The following ADAM9 variants were observed in gnomAD, a reference collection of about 807,000 sequenced individuals.
The protein encoded by ADAM9 is disintegrin and metalloproteinase domain-containing protein 9.
ADAM9 carries 54 observed loss-of-function variants against 108.1 expected under a neutral mutation model. The ratio of observed to expected loss-of-function variants is 0.50; its 90% confidence interval spans 0.40 to 0.63. The LOEUF is 0.63. Among genes scored for constraint, ADAM9 ranks in the 20% least tolerant of loss-of-function variants. The pLI, the probability that ADAM9 is intolerant of heterozygous loss-of-function variation, is 0.00. For missense variants in ADAM9, 830 were observed against 997.7 expected (o/e 0.83, Z 2.26); for synonymous variants, 316 against 336.0 (o/e 0.94, Z 0.65).
chr8:38,997,322 C>G (rs1588311095), intron 1 of ADAM9, among the ~76,000 whole-genome samples, 162 bp downstream of exon 1: 1 of 152,052 alleles, frequency 6.6e-6, no homozygotes, highest in African/African-American at 2.4e-5. Context: ...GGGTCGCACC[C>G]GAGGCGCGGG....
At chr8:39,063,091 C>T (rs1838348488) in intron 14 of ADAM9, among the ~76,000 whole-genome samples, 1 of 152,216 alleles carries the variant, frequency 6.6e-6, no homozygotes, top group African/African-American at 2.4e-5. Context: ...CATCCCAATC[C>T]AACTTTATGT....
At position 39,104,498 on chromosome 8, in the gene ADAM9, GATCTA is replaced by G. The variant is rs762269884; in HGVS notation, c.*802_*806del. 74 of 381,854 alleles carry G rather than the reference GATCTA, an allele frequency of 1.9e-4. 1 individual carries two copies. The highest frequency in any genetic ancestry group is 1.5e-3 in the South Asian group (74 of 49,328). The allele number at this position is 381,854 out of a possible 1,614,324, so 23.7% of individuals were successfully genotyped here. On this transcript the variant is annotated 3_prime_UTR_variant, in exon 22 of 22. Coordinates refer to ENST00000487273, the MANE Select transcript of ADAM9 (RefSeq NM_003816.3). Reference sequence around the variant, plus strand: ...GCTTTAAGGTACGAAGTATTTAATAGATCTAATCAAATATGTTGATTCATGGCTAT... The same window carrying G: ...GCTTTAAGGTACGAAGTATTTAATAGATCAAATATGTTGATTCATGGCTAT...
chr8:39,101,738 C>A, intron 20 of ADAM9, 125 bp from the exon 21 acceptor site: 1 of 825,266 alleles, frequency 1.2e-6, no homozygotes, highest in Non-Finnish European at 1.9e-6. Context: ...TGGTTCTAAG[C>A]ATTTCTGATA....
At chr8:39,103,490 A>G in intron 21 of ADAM9, 117 bp from the exon 22 acceptor site, 2 of 988,064 alleles carry the variant, frequency 2.0e-6, no homozygotes, top group Non-Finnish European at 3.2e-6. Context: ...CAGAATGTAC[A>G]GTACCCTTTC....
chr8:39,040,974 CA>C (rs1443725986), intron 11 of ADAM9, among the ~76,000 whole-genome samples: 1 of 152,160 alleles, frequency 6.6e-6, no homozygotes, highest in African/African-American at 2.4e-5. Flanking sequence ...ACCTAAATGT[CA>C]GACTTGAAAC....
At chr8:39,021,801 C>G in intron 8 of ADAM9, 87 bp downstream of exon 8, 2 of 1,233,310 alleles carry the variant, frequency 1.6e-6, no homozygotes, top group African/African-American at 1.5e-5. Flanking sequence ...ATTTTGAGTT[C>G]TGATTTTCAT....
chr8:39,018,202 C>A (rs1836608620), intron 6 of ADAM9, among the ~76,000 whole-genome samples: 1 of 152,170 alleles, frequency 6.6e-6, no homozygotes. Context: ...TTGAAAGAGG[C>A]ATATTTTTAA....
At chr8:39,018,276 G>C (rs1836611683) in intron 6 of ADAM9, among the ~76,000 whole-genome samples, 1 of 152,018 alleles carries the variant, frequency 6.6e-6, no homozygotes, top group Admixed American at 6.5e-5. Context: ...CTTTTGACTT[G>C]GGCTATTCTT....
At position 39,082,818 on chromosome 8, in the gene ADAM9, G is replaced by C. The variant is rs568380341; in HGVS notation, c.1962+97G>C. 1.1e-4 allele frequency: 149 copies of C among 1,363,746 alleles called. No individual in the cohort carries two copies. The African/African-American group carries it at 1.7e-3, about 16-fold the overall frequency. The allele number at this position is 1,363,746 out of a possible 1,614,324, so 84.5% of individuals were successfully genotyped here. A position where few individuals can be genotyped will look rare whatever the true frequency, so the allele number is the denominator to read the frequency against. ...GAGTTCCCAGGATTTTCAGATGTTG[G>C]GGAATTTAGATTCCTGATAAAATTT... On this transcript the variant is annotated intron_variant, in intron 17 of 21. Coordinates refer to ENST00000487273, the MANE Select transcript of ADAM9 (RefSeq NM_003816.3).
intron 18 of ADAM9, among the ~76,000 whole-genome samples, chr8:39,088,752 A>G (rs1839254966): frequency 1.3e-5 from 2 of 152,220 alleles, no homozygotes; most frequent in South Asian, 2.1e-4. Flanking sequence ...GATAAATTCA[A>G]CTATACAAAA....
intron 14 of ADAM9, among the ~76,000 whole-genome samples, chr8:39,058,345 G>GTA (rs1457914964): frequency 1.3e-5 from 2 of 152,150 alleles, no homozygotes; most frequent in Non-Finnish European, 2.9e-5. Context: ...CACCCATTCT[G>GTA]TATTCCCTTT....
Position 39,017,305 on chromosome 8 carries a change from A to G in ADAM9, c.497A>G (p.Asp166Gly). 1 of 1,614,140 alleles carries G rather than the reference A, an allele frequency of 6.2e-7. No homozygotes were observed. The highest frequency in any genetic ancestry group is 8.5e-7 in the Non-Finnish European group (1 of 1,180,024). The change falls in exon 6 of 22, where the codon GAT becomes GGT. Residue 166 changes from aspartate (D) to glycine (G), a missense_variant. Physicochemically the swap from Asp to Gly is moderately conservative, Grantham distance 94. This residue lies in a region of ADAM9 where 211 missense variants were observed against 222.2 expected (regional missense o/e 0.95). Coordinates refer to ENST00000487273, the MANE Select transcript of ADAM9 (RefSeq NM_003816.3). Reference sequence around the variant, plus strand: ...TTTGAGCACATCATTTATCGAATGGATGATGTCTACAAAGAGCCTCTGAAA... The same window carrying G: ...TTTGAGCACATCATTTATCGAATGGGTGATGTCTACAAAGAGCCTCTGAAA... Reference protein sequence around the residue: ...SHFEHIIYRMDDVYKEPLKCG... With the variant: ...SHFEHIIYRMGDVYKEPLKCG...
At chr8:38,997,277 C>T in intron 1 of ADAM9, 117 bp downstream of exon 1, 3 of 1,224,304 alleles carry the variant, frequency 2.5e-6, no homozygotes, top group East Asian at 2.6e-5. Flanking sequence ...GACCCGGGGT[C>T]GGGGGGCGCG....
At chr8:39,040,923 T>A (rs1052208771) in intron 11 of ADAM9, among the ~76,000 whole-genome samples, 5 of 152,160 alleles carry the variant, frequency 3.3e-5, no homozygotes, top group African/African-American at 1.2e-4. Context: ...TGGACCCTTA[T>A]CATACACCAT....
chr8:39,052,524 G>C (rs1420426304), intron 12 of ADAM9, among the ~76,000 whole-genome samples: 1 of 151,806 alleles, frequency 6.6e-6, no homozygotes, highest in Non-Finnish European at 1.5e-5. Flanking sequence ...CTGGTTTTTA[G>C]TATTCCTATA....
chr8:39,072,502 GTGA>G (rs762974815), intron 15 of ADAM9, among the ~76,000 whole-genome samples: 1 of 151,654 alleles, frequency 6.6e-6, no homozygotes, highest in Non-Finnish European at 1.5e-5. Flanking sequence ...TTTTTTTTTG[GTGA>G]TTGTGTAGGG....
chr8:39,043,229 C>T (rs1837507983), intron 12 of ADAM9, among the ~76,000 whole-genome samples: 1 of 152,158 alleles, frequency 6.6e-6, no homozygotes, highest in Non-Finnish European at 1.5e-5. Flanking sequence ...AATAATGCTG[C>T]AGTGAACATA....
At chr8:39,045,606 A>G (rs1246853449) in intron 12 of ADAM9, among the ~76,000 whole-genome samples, 2 of 150,082 alleles carry the variant, frequency 1.3e-5, no homozygotes, top group Non-Finnish European at 2.9e-5. Context: ...TTTCTCATCC[A>G]GTCGACTGTT....
chr8:39,059,085 T>C (rs1202759582), intron 14 of ADAM9, among the ~76,000 whole-genome samples: 1 of 152,240 alleles, frequency 6.6e-6, no homozygotes, highest in Admixed American at 6.5e-5. Flanking sequence ...GAATTCCATG[T>C]GCATGGGCCC....
Sources: allele counts gnomAD v4.1 joint callset (sites outside exome capture counted in the v4.1 genomes callset), GRCh38; gene constraint gnomAD v4.1.1; regional missense constraint gnomAD v4.1.1; transcripts MANE v1.5; gene names NCBI Gene and HGNC (gene_info 2026-07-23, HGNC 2026-07-21).